The following PON2 variants were observed in gnomAD, a reference collection of about 807,000 sequenced individuals.
PON2 encodes paraoxonase 2.
Under a neutral mutation model 36.6 loss-of-function variants are expected in PON2, and 27 were observed. The ratio of observed to expected loss-of-function variants is 0.74; its 90% CI spans 0.54 to 1.02. PON2 has a LOEUF of 1.02. PON2 is among the 50% of genes least tolerant of loss of function. The probability of loss-of-function intolerance (pLI) is 0.00; values close to 1 mark genes in which losing one functional copy is unlikely to be tolerated. For missense variants in PON2, 363 were observed against 421.1 expected, an observed-to-expected ratio of 0.86 and a Z score of 1.21; for synonymous variants, 149 against 156.3, an observed-to-expected ratio of 0.95 and a Z score of 0.35.
At chr7:95,427,407 C>T (rs1193648972) in intron 1 of PON2, among the ~76,000 whole-genome samples, 1 of 152,096 alleles carries the variant, frequency 6.6e-6, no homozygotes, top group Admixed American at 6.5e-5. Flanking sequence ...TCCCAGACTC[C>T]GCTGTATTGA....
In PON2 at chr7:95,412,387, G is replaced by C; in HGVS notation, c.292C>G (p.Arg98Gly). ...MDLKEEKPRA[R>G]ELRISRGFDL... ...AACCCACGACTGATTCTTAATTCCC[G>C]TGCCCTTGGTTTTTCTTCTTTTAGA... is the stretch of plus-strand genomic sequence containing the variant. The change falls in exon 4 of 9, where the codon CGG becomes GGG. Residue 98 changes from arginine (R) to glycine (G), a missense_variant. Physicochemically the swap from Arg to Gly is moderately radical, Grantham distance 125. Transcript: ENST00000222572. 1 of 1,614,094 alleles carries C rather than the reference G, an allele frequency of 6.2e-7. No homozygotes were observed. The highest frequency in any genetic ancestry group is 8.5e-7 in the Non-Finnish European group (1 of 1,180,004).
chr7:95,416,315 A>C lies in PON2; in HGVS notation c.146-18T>G. 6.2e-7 allele frequency: 1 copy of C among 1,612,758 alleles called. No individual in the cohort carries two copies. The highest frequency in any genetic ancestry group is 8.5e-7 in the Non-Finnish European group (1 of 1,178,772). On this transcript the variant is annotated intron_variant, in intron 2 of 8. Transcript: ENST00000222572. ...GCCAGCTTCTGTAAGTTTAAGGAAC[A>C]GATAAATGTCATGTTCAAGTTCTGT...
At chr7:95,414,561 G>T (rs1789017664) in intron 3 of PON2, among the ~76,000 whole-genome samples, 1 of 152,110 alleles carries the variant, frequency 6.6e-6, no homozygotes, top group Non-Finnish European at 1.5e-5. Flanking sequence ...GGGCTGGAGA[G>T]AAATCTTGAA....
At chr7:95,408,740 C>T (rs1052425429) in intron 6 of PON2, among the ~76,000 whole-genome samples, 4 of 152,082 alleles carry the variant, frequency 2.6e-5, no homozygotes, top group African/African-American at 9.7e-5. Context: ...TTTCAGTGTG[C>T]TGAGGCAGTA....
At chr7:95,421,293 G>A (rs1000200100) in intron 2 of PON2, among the ~76,000 whole-genome samples, 1 of 152,234 alleles carries the variant, frequency 6.6e-6, no homozygotes, top group Non-Finnish European at 1.5e-5. Flanking sequence ...TTGGCAGTCT[G>A]TCATGTAACA....
chr7:95,408,727 A>G (rs1421066401), intron 6 of PON2, among the ~76,000 whole-genome samples: 1 of 152,152 alleles, frequency 6.6e-6, no homozygotes, highest in Non-Finnish European at 1.5e-5. Flanking sequence ...AGTAGTTTAA[A>G]TTTTTCAGTG....
chr7:95,416,370 C>G (rs972212519), intron 2 of PON2, 73 bp from the exon 3 acceptor site: 2 of 1,509,758 alleles, frequency 1.3e-6, no homozygotes. Flanking sequence ...AACTGGGACT[C>G]TGTTTACTTT....
intron 2 of PON2, among the ~76,000 whole-genome samples, chr7:95,423,872 G>A (rs998732512): frequency 9.2e-5 from 14 of 152,000 alleles, no homozygotes; most frequent in African/African-American, 1.5e-4. Context: ...TTCACATGGC[G>A]GCAGCAAGGA....
At chr7:95,425,046 G>C (rs780015252) in intron 1 of PON2, among the ~76,000 whole-genome samples, 2 of 152,086 alleles carry the variant, frequency 1.3e-5, no homozygotes, top group African/African-American at 4.8e-5. Context: ...CTCAGAGCCT[G>C]ACACACCAAA....
intron 1 of PON2, among the ~76,000 whole-genome samples, chr7:95,433,660 C>T (rs931160965): frequency 6.6e-6 from 1 of 152,210 alleles, no homozygotes; most frequent in Non-Finnish European, 1.5e-5. Context: ...TTCCCACCAC[C>T]CTACTATTCT....
At chr7:95,405,600 G>T in intron 8 of PON2, 112 bp from the exon 9 acceptor site, 5 of 1,010,476 alleles carry the variant, frequency 4.9e-6, no homozygotes, top group Non-Finnish European at 7.8e-6. Context: ...ACATGCTGTT[G>T]AAAATAGCAG....
intron 3 of PON2, 82 bp downstream of exon 3, chr7:95,416,160 A>C: frequency 6.2e-7 from 1 of 1,602,004 alleles, no homozygotes; most frequent in Non-Finnish European, 8.5e-7. Context: ...ATGAATTTTA[A>C]AAGCAACTTA....
chr7:95,424,754 C>T (rs1214709984), intron 1 of PON2, among the ~76,000 whole-genome samples, 169 bp from the exon 2 acceptor site: 2 of 151,424 alleles, frequency 1.3e-5, no homozygotes, highest in Non-Finnish European at 2.9e-5. Flanking sequence ...TAAAACTGCA[C>T]CAGAAATGAA....
chr7:95,405,977 A>C (rs1198246449), intron 8 of PON2, 142 bp downstream of exon 8: 8 of 887,788 alleles, frequency 9.0e-6, no homozygotes, highest in Non-Finnish European at 1.0e-5. Flanking sequence ...TTATTGGCTT[A>C]ACGCAATTAC....
Position 95,405,240 on chromosome 7 carries a change from G to T in PON2, c.*90C>A. ...TAACTACACATGCCATACATTTCTGGGTCAATGTTGCTGGTTAAATTCCCT... is the reference window on the plus strand; with the variant it reads ...TAACTACACATGCCATACATTTCTGTGTCAATGTTGCTGGTTAAATTCCCT... On this transcript the variant is annotated 3_prime_UTR_variant, in exon 9 of 9. Transcript: ENST00000222572. The T allele has an allele frequency of 7.3e-7, 1 of 1,365,090 alleles. No homozygotes were observed. Among genetic ancestry groups the T allele is most frequent in the East Asian group, 2.4e-5 (1 of 41,358 alleles). 84.6% of individuals were successfully genotyped at this position (1,365,090 alleles called of 1,614,324 possible).
At chr7:95,426,035 G>A (rs948021736) in intron 1 of PON2, among the ~76,000 whole-genome samples, 1 of 152,016 alleles carries the variant, frequency 6.6e-6, no homozygotes, top group Non-Finnish European at 1.5e-5. Context: ...ACTTTAACTG[G>A]GAGCTAAACA....
intron 1 of PON2, among the ~76,000 whole-genome samples, chr7:95,426,638 G>A (rs886794981): frequency 6.6e-5 from 10 of 152,204 alleles, no homozygotes; most frequent in Non-Finnish European, 1.5e-4. Flanking sequence ...ACCCTTGGCA[G>A]GTCAGTTAAT....
chr7:95,415,483 A>T (rs985963916), intron 3 of PON2, among the ~76,000 whole-genome samples: 1 of 152,236 alleles, frequency 6.6e-6, no homozygotes, highest in Non-Finnish European at 1.5e-5. Context: ...AAAAAGAAAG[A>T]AAGCAAAAGG....
chr7:95,418,182 G>A (rs1789114891), intron 2 of PON2: 2 of 152,156 alleles, frequency 1.3e-5, no homozygotes, highest in Non-Finnish European at 2.9e-5. Flanking sequence ...ATTATGTCAG[G>A]AGCAGTCAAT....
Sources: gnomAD v4.1 joint callset for allele counts (sites outside exome capture counted in the v4.1 genomes callset) on GRCh38, gnomAD v4.1.1 for gene constraint, MANE v1.5 for transcripts, NCBI Gene and HGNC (gene_info 2026-07-23, HGNC 2026-07-21) for gene names.